VMP1: variants seen among roughly 807,000 people sequenced by gnomAD.
VMP1 encodes ectopic P-granules autophagy protein 3 homolog.
Under a neutral mutation model 56.0 loss-of-function variants are expected in VMP1, and 11 were observed. That is an observed-to-expected ratio of 0.20 (90% confidence interval 0.12 to 0.32). The LOEUF (loss-of-function observed/expected upper bound fraction) is 0.32, where lower values mean the gene tolerates loss of function less well. VMP1 is among the 10% of genes least tolerant of loss of function. The pLI is 1.00. For missense variants in VMP1, 296 were observed against 490.3 expected, an observed-to-expected ratio of 0.60 and a Z score of 3.74; for synonymous variants, 149 against 165.0, an observed-to-expected ratio of 0.90 and a Z score of 0.74.
intron 5 of VMP1, among the ~76,000 whole-genome samples, chr17:59,764,365 G>A (rs936666888): frequency 3.9e-5 from 6 of 152,088 alleles, no homozygotes; most frequent in African/African-American, 4.8e-5. Flanking sequence ...GCCTTGTTCC[G>A]TTGTCCAGAC....
At chr17:59,708,355 T>A (rs1488506962) in intron 1 of VMP1, among the ~76,000 whole-genome samples, 1 of 152,226 alleles carries the variant, frequency 6.6e-6, no homozygotes, top group Non-Finnish European at 1.5e-5. Context: ...CCCCGACCTC[T>A]ATATCTTATT....
At position 59,777,457 on chromosome 17, in the gene VMP1, C is replaced by CT. The variant is rs77891416; in HGVS notation, c.714+3585dup. 3.8e-3 allele frequency among the ~76,000 whole-genome samples: 551 copies of CT among 144,966 alleles called. 2 individuals carry two copies. Among genetic ancestry groups the CT allele is most frequent in the African/African-American group, 9.1e-3 (364 of 39,900 alleles). On this transcript the variant is annotated intron_variant, in intron 7 of 11. Coordinates refer to ENST00000262291, the MANE Select transcript of VMP1 (RefSeq NM_030938.5). ...CTGAGTCCTCTTTATAAGCAGTCTACTTTTTTTTTTTTTCCTCTCTAGAAG... is the reference window on the plus strand; with the variant it reads ...CTGAGTCCTCTTTATAAGCAGTCTACTTTTTTTTTTTTTTCCTCTCTAGAAG...
At chr17:59,839,425 T>C (rs2039086891) in intron 11 of VMP1, 2 of 209,754 alleles carry the variant, frequency 9.5e-6, no homozygotes, top group Non-Finnish European at 9.5e-6. Context: ...CAAAAATATT[T>C]AACTGTCTTG....
intron 6 of VMP1, among the ~76,000 whole-genome samples, chr17:59,771,607 T>G (rs1007018169): frequency 1.6e-5 from 2 of 124,408 alleles, no homozygotes; most frequent in African/African-American, 6.4e-5. Context: ...GTTTTTTTGG[T>G]TTTTTTTTTT....
chr17:59,772,790 A>G (rs935239176), intron 6 of VMP1, among the ~76,000 whole-genome samples: 11 of 151,600 alleles, frequency 7.3e-5, no homozygotes, highest in Admixed American at 1.3e-4. Flanking sequence ...GAAAAAGAAA[A>G]CTTATTCATC....
At chr17:59,779,308 A>C (rs1359190607) in intron 7 of VMP1, among the ~76,000 whole-genome samples, 1 of 152,202 alleles carries the variant, frequency 6.6e-6, no homozygotes, top group Non-Finnish European at 1.5e-5. Context: ...TCCTGAGCCC[A>C]GAACATTCAC....
intron 5 of VMP1, among the ~76,000 whole-genome samples, chr17:59,756,763 A>G (rs2035856813): frequency 6.6e-6 from 1 of 152,210 alleles, no homozygotes; most frequent in Admixed American, 6.5e-5. Flanking sequence ...TGCCTGAATT[A>G]GGCTAATAAT....
intron 10 of VMP1, among the ~76,000 whole-genome samples, chr17:59,826,365 G>A (rs145389939): frequency 6.6e-6 from 1 of 152,338 alleles, no homozygotes; most frequent in Non-Finnish European, 1.5e-5. Context: ...GTAGCATGAT[G>A]AAAATTAAAA....
At chr17:59,820,974 G>GTTT (rs904404398) in intron 10 of VMP1, among the ~76,000 whole-genome samples, 2 of 138,662 alleles carry the variant, frequency 1.4e-5, no homozygotes, top group South Asian at 2.3e-4. Context: ...TCTTTTTTTT[G>GTTT]TTTTTTTTTT....
intron 7 of VMP1, among the ~76,000 whole-genome samples, chr17:59,775,523 T>C (rs1040940833): frequency 3.3e-5 from 5 of 151,510 alleles, no homozygotes; most frequent in African/African-American, 1.2e-4. Flanking sequence ...GGTCCCACTA[T>C]GTTGCCCAGG....
At chr17:59,715,784 A>G (rs1292331024) in intron 1 of VMP1, among the ~76,000 whole-genome samples, 1 of 152,166 alleles carries the variant, frequency 6.6e-6, no homozygotes, top group Non-Finnish European at 1.5e-5. Flanking sequence ...TGAAATTTTA[A>G]AAAATTATTC....
chr17:59,718,197 T>TC (rs2034246137), intron 1 of VMP1, among the ~76,000 whole-genome samples: 1 of 135,040 alleles, frequency 7.4e-6, no homozygotes, highest in African/African-American at 2.8e-5. Context: ...TTTTTTTTTT[T>TC]TTTTTTTTTT....
chr17:59,817,686 T>G (rs754698673), intron 9 of VMP1, 26 bp from the exon 10 acceptor site: 2 of 1,552,752 alleles, frequency 1.3e-6, no homozygotes, highest in Middle Eastern at 1.7e-4. Context: ...CTAAATAATT[T>G]ATTTTAACTG....
intron 7 of VMP1, among the ~76,000 whole-genome samples, chr17:59,783,789 C>G (rs1243727912): frequency 6.6e-6 from 1 of 152,092 alleles, no homozygotes; most frequent in African/African-American, 2.4e-5. Flanking sequence ...TTTATCAACC[C>G]TTACCTAAAT....
intron 7 of VMP1, among the ~76,000 whole-genome samples, chr17:59,791,275 A>C (rs1598399721): frequency 7.0e-6 from 1 of 142,278 alleles, no homozygotes; most frequent in African/African-American, 2.7e-5. Context: ...TGCAAGCTCC[A>C]CCTCCCAGGT....
Position 59,841,326 on chromosome 17 carries a change from G to A in VMP1, c.*1415G>A. 2.0e-6 allele frequency: 1 copy of A among 511,148 alleles called. No individual in the cohort carries two copies. Among genetic ancestry groups the A allele is most frequent in the Non-Finnish European group, 4.1e-6 (1 of 241,768 alleles). 31.7% of individuals were successfully genotyped at this position (511,148 alleles called of 1,614,324 possible). ...AATCTCATGGCAACACCAGTCGATGGGCTGTCTGACATTTTGGTATCTTTC... is the reference window on the plus strand; with the variant it reads ...AATCTCATGGCAACACCAGTCGATGAGCTGTCTGACATTTTGGTATCTTTC... On this transcript the variant is annotated 3_prime_UTR_variant, in exon 12 of 12. Coordinates refer to ENST00000262291, the MANE Select transcript of VMP1 (RefSeq NM_030938.5).
intron 8 of VMP1, among the ~76,000 whole-genome samples, chr17:59,810,445 C>A (rs536735584): frequency 6.6e-6 from 1 of 152,134 alleles, no homozygotes; most frequent in Non-Finnish European, 1.5e-5. Flanking sequence ...TAAGACACTG[C>A]GCCCAGCCTA....
At chr17:59,821,969 A>G (rs1329219278) in intron 10 of VMP1, among the ~76,000 whole-genome samples, 2 of 151,972 alleles carry the variant, frequency 1.3e-5, no homozygotes, top group East Asian at 1.9e-4. Flanking sequence ...CAGCCTCCCA[A>G]GTAACTGGGA....
chr17:59,738,827 T>C lies in VMP1; in HGVS notation c.304-10T>C. The C allele has an allele frequency of 1.9e-6, 3 of 1,582,698 alleles. No individual in the cohort carries two copies. Among genetic ancestry groups the C allele is most frequent in the Non-Finnish European group, 2.6e-6 (3 of 1,155,704 alleles). The stretch of plus-strand genomic sequence containing the variant: ...GAATTCACGGTTTTCACCTCATCCC[T>C]TTTTTTCAGTATGTGCAACGTATAG... On this transcript the variant is annotated splice_polypyrimidine_tract_variant and intron_variant, in intron 4 of 11. Coordinates refer to ENST00000262291, the MANE Select transcript of VMP1 (RefSeq NM_030938.5).
Sources: gnomAD v4.1 joint callset for allele counts (sites outside exome capture counted in the v4.1 genomes callset) on GRCh38, gnomAD v4.1.1 for gene constraint, MANE v1.5 for transcripts, NCBI Gene and HGNC (gene_info 2026-07-23, HGNC 2026-07-21) for gene names.